FAT4: variants seen among roughly 807,000 people sequenced by gnomAD.
FAT4 encodes protocadherin Fat 4.
FAT4 carries 84 observed loss-of-function variants against 303.9 expected under a neutral mutation model. The observed-to-expected ratio is 0.28, with a 90% CI of 0.23 to 0.33. The LOEUF is 0.33. Among genes scored for constraint, FAT4 ranks in the 10% least tolerant of loss-of-function variants. The pLI is 1.00. For missense variants in FAT4, 6,005 were observed against 6,146.8 expected, an observed-to-expected ratio of 0.98 and a Z score of 0.77; for synonymous variants, 2,307 against 2,298.8, an observed-to-expected ratio of 1.00 and a Z score of -0.10.
chr4:125,341,339 G>A (rs1167479617), intron 2 of FAT4, among the ~76,000 whole-genome samples: 2 of 152,128 alleles, frequency 1.3e-5, no homozygotes, highest in South Asian at 4.1e-4. Context: ...GCCTGAGGCA[G>A]TGGTTATATG....
intron 3 of FAT4, among the ~76,000 whole-genome samples, chr4:125,403,697 T>A (rs914082457): frequency 3.9e-5 from 6 of 152,158 alleles, no homozygotes; most frequent in Non-Finnish European, 5.9e-5. Flanking sequence ...TTATCCTGCA[T>A]CAAAGCAGGT....
chr4:125,452,150 A>G lies in FAT4; in HGVS notation c.11140A>G (p.Ser3714Gly). The stretch of plus-strand genomic sequence containing the variant: ...ATTTTCCAATGCCACAGTGGATAAC[A>G]GCATCTTACTTCGTCTCGGCGTACC... ...AGFSNATVDN[S>G]ILLRLGVPTV... The change falls in exon 10 of 18, where the codon AGC becomes GGC. Residue 3714 changes from serine to glycine, a missense_variant. By Grantham distance (56) the Ser-to-Gly change is moderately conservative. Coordinates refer to ENST00000394329, the MANE Select transcript of FAT4 (RefSeq NM_001291303.3). 5 of 1,614,222 alleles carry G rather than the reference A, an allele frequency of 3.1e-6. No individual in the cohort carries two copies. Among genetic ancestry groups the G allele is most frequent in the Non-Finnish European group, 4.2e-6 (5 of 1,180,038 alleles).
intron 8 of FAT4, among the ~76,000 whole-genome samples, chr4:125,440,610 T>TGAGAGAGAGAGAGAGAGAGAGAGAGAGA (rs1553925990): frequency 1.3e-5 from 1 of 75,728 alleles, no homozygotes; most frequent in East Asian, 4.5e-4. Context: ...TGTGTGTGTG[T>TGAGAGAGAGAGAGAGAGAGAGAGAGAGA]GAGAGAGAGA....
At chr4:125,441,757 C>T (rs1169150765) in intron 8 of FAT4, among the ~76,000 whole-genome samples, 1 of 152,130 alleles carries the variant, frequency 6.6e-6, no homozygotes, top group African/African-American at 2.4e-5. Context: ...TCTAGTCACC[C>T]CATAAATGGC....
At chr4:125,336,067 A>G (rs1181898401) in intron 2 of FAT4, among the ~76,000 whole-genome samples, 1 of 152,222 alleles carries the variant, frequency 6.6e-6, no homozygotes, top group Non-Finnish European at 1.5e-5. Flanking sequence ...AATTGTGATG[A>G]CATTTTTAAT....
chr4:125,431,510 A>T (rs1725283466), intron 7 of FAT4, among the ~76,000 whole-genome samples: 1 of 152,200 alleles, frequency 6.6e-6, no homozygotes, highest in Admixed American at 6.5e-5. Flanking sequence ...ATAAAAAATG[A>T]CTTTTTATAG....
At chr4:125,347,979 A>ATTTC (rs1732069901) in intron 2 of FAT4, among the ~76,000 whole-genome samples, 2 of 151,750 alleles carry the variant, frequency 1.3e-5, no homozygotes, top group Admixed American at 6.6e-5. Flanking sequence ...TGGAGTTGAA[A>ATTTC]AACTCCAGAC....
intron 12 of FAT4, among the ~76,000 whole-genome samples, chr4:125,470,283 C>A (rs144301279): frequency 1.1e-4 from 17 of 152,266 alleles, no homozygotes; most frequent in East Asian, 7.7e-4. Flanking sequence ...TTCTTAAAGA[C>A]CCTAGGATTT....
At chr4:125,414,757 G>T in intron 5 of FAT4, 127 bp from the exon 6 acceptor site, 1 of 627,686 alleles carries the variant, frequency 1.6e-6, no homozygotes, top group Non-Finnish European at 2.8e-6. Context: ...TTGTTCACAG[G>T]ATTTCCTAAA....
chr4:125,438,911 G>C (rs1725550675), intron 8 of FAT4, among the ~76,000 whole-genome samples: 1 of 152,112 alleles, frequency 6.6e-6, no homozygotes, highest in African/African-American at 2.4e-5. Context: ...CTGAACTACT[G>C]TTGGGATCTC....
At chr4:125,352,887 G>C (rs1249420183) in intron 2 of FAT4, among the ~76,000 whole-genome samples, 1 of 151,756 alleles carries the variant, frequency 6.6e-6, no homozygotes, top group Non-Finnish European at 1.5e-5. Flanking sequence ...ACTGGATGCA[G>C]TGATGTATTA....
At chr4:125,365,067 G>A (rs375001903) in intron 2 of FAT4, among the ~76,000 whole-genome samples, 42 of 152,184 alleles carry the variant, frequency 2.8e-4, no homozygotes, top group African/African-American at 8.9e-4. Flanking sequence ...TCTTGATGAC[G>A]AATTGAATGT....
At position 125,321,383 on chromosome 4, in the gene FAT4, G is replaced by A. The variant is rs1730937807; in HGVS notation, c.4972G>A (p.Gly1658Arg). 1.9e-6 allele frequency: 3 copies of A among 1,613,946 alleles called. No homozygotes were observed. Among genetic ancestry groups the A allele is most frequent in the East Asian group, 2.2e-5 (1 of 44,878 alleles). Residue 1658 changes from glycine (G) to arginine (R), a missense_variant, in exon 2 of 18, where the codon GGA becomes AGA. By Grantham distance (125) the Gly-to-Arg change is moderately radical (BLOSUM62 -2). Coordinates refer to ENST00000394329, the MANE Select transcript of FAT4 (RefSeq NM_001291303.3). ...VISIEAASPR[G>R]SEAPVEYYIV... Reference sequence around the variant, plus strand: ...ATCAATAGAAGCAGCTAGCCCCAGAGGATCTGAGGCCCCAGTGGAGTATTA... The same window carrying A: ...ATCAATAGAAGCAGCTAGCCCCAGAAGATCTGAGGCCCCAGTGGAGTATTA...
rs1382323634 is a variant in FAT4 at position 125,450,276 on chromosome 4, C to T, written c.9266C>T (p.Pro3089Leu). 6.2e-7 allele frequency: 1 copy of T among 1,614,092 alleles called. No individual in the cohort carries two copies. The highest frequency in any genetic ancestry group is 8.5e-7 in the Non-Finnish European group (1 of 1,180,002). Reference protein sequence around the residue: ...ITVTEENYHTPEFSQSHMSAT... With the variant: ...ITVTEENYHTLEFSQSHMSAT... ...GTCACTGAGGAAAACTACCATACAC[C>T]TGAATTCTCTCAAAGCCACATGAGT... Residue 3089 changes from proline (P) to leucine (L), a missense_variant, in exon 10 of 18, where the codon CCT (proline) becomes CTT (leucine). Transcript: ENST00000394329.
chr4:125,484,496 C>G (rs1727341450), intron 16 of FAT4, among the ~76,000 whole-genome samples: 1 of 151,756 alleles, frequency 6.6e-6, no homozygotes, highest in Non-Finnish European at 1.5e-5. Flanking sequence ...ATAGGTGATA[C>G]AGAATAATTG....
chr4:125,481,717 C>A lies in FAT4; in HGVS notation c.12801C>A (p.Ser4267Arg). Reference sequence around the variant, plus strand: ...GCGTTTTAATCCATATCCAAGAAAGCAGCAATTACACTACTGTGAAGGTGA... The same window carrying A: ...GCGTTTTAATCCATATCCAAGAAAGAAGCAATTACACTACTGTGAAGGTGA... ...ENGVLIHIQE[S>R]SNYTTVKIKN... The change falls in exon 16 of 18, where the codon AGC (serine) becomes AGA (arginine). Residue 4267 changes from serine to arginine, a missense_variant. Transcript: ENST00000394329. The A allele has an allele frequency of 6.2e-7, 1 of 1,613,980 alleles. No individual in the cohort carries two copies.
intron 8 of FAT4, among the ~76,000 whole-genome samples, chr4:125,437,050 T>TGAAA (rs1725477910): frequency 6.6e-6 from 1 of 152,076 alleles, no homozygotes; most frequent in South Asian, 2.1e-4. Context: ...AGATGGGGTT[T>TGAAA]CACCATGTTG....
intron 16 of FAT4, among the ~76,000 whole-genome samples, chr4:125,485,955 A>G (rs1727394175): frequency 6.6e-6 from 1 of 152,206 alleles, no homozygotes; most frequent in Non-Finnish European, 1.5e-5. Context: ...AAAGTGAAGA[A>G]TTATATAAGT....
At chr4:125,479,952 A>G in intron 15 of FAT4, 87 bp downstream of exon 15, 2 of 1,038,032 alleles carry the variant, frequency 1.9e-6, no homozygotes, top group Non-Finnish European at 2.6e-6. Context: ...TCAAATTAAA[A>G]ATTATGCTTT....
Sources: gnomAD v4.1 joint callset for allele counts (sites outside exome capture counted in the v4.1 genomes callset) on GRCh38, gnomAD v4.1.1 for gene constraint, MANE v1.5 for transcripts, NCBI Gene and HGNC (gene_info 2026-07-23, HGNC 2026-07-21) for gene names.